SERPINA9: variants seen among roughly 807,000 people sequenced by gnomAD.
SERPINA9 encodes the protein serpin A9.
In SERPINA9, 32 loss-of-function variants were observed where a neutral mutation model predicts 24.5. The observed-to-expected ratio is 1.30, with a 90% CI of 0.98 to 1.75. SERPINA9 has a LOEUF of 1.75. Ranked by LOEUF, SERPINA9 falls within the 40% of genes most tolerant of loss-of-function variation. The pLI is 0.00. For missense variants in SERPINA9, 594 were observed against 497.1 expected (o/e 1.19, Z -1.85); for synonymous variants, 233 against 197.7 (o/e 1.18, Z -1.50).
intron 1 of SERPINA9, among the ~76,000 whole-genome samples, chr14:94,475,544 A>T (rs565965939): frequency 6.6e-6 from 1 of 152,136 alleles, no homozygotes; most frequent in African/African-American, 2.4e-5. Flanking sequence ...CTCAAAGGGC[A>T]TCCTCTCTGC....
At chr14:94,470,046 T>G in intron 1 of SERPINA9, 189 bp from the exon 2 acceptor site, 1 of 638,378 alleles carries the variant, frequency 1.6e-6, no homozygotes, top group Non-Finnish European at 2.4e-6. Flanking sequence ...CTGTTTTACT[T>G]GCAAATGAGT....
intron 1 of SERPINA9, among the ~76,000 whole-genome samples, chr14:94,475,729 T>G (rs2139829984): frequency 6.6e-6 from 1 of 152,292 alleles, no homozygotes; most frequent in Admixed American, 6.5e-5. Context: ...ACACTCCCTC[T>G]CAAGCTGATC....
At chr14:94,463,749 C>T (rs1898853096) in intron 4 of SERPINA9, among the ~76,000 whole-genome samples, 1 of 152,114 alleles carries the variant, frequency 6.6e-6, no homozygotes, top group Non-Finnish European at 1.5e-5. Flanking sequence ...AGGTTAGATC[C>T]CTTCTTTGTC....
chr14:94,469,310 G>C lies in SERPINA9; in HGVS notation c.531C>G (p.Ser177Arg), dbSNP rs751760583. The C allele has an allele frequency of 3.0e-5, 49 of 1,614,158 alleles. 2 individuals carry two copies. The South Asian group carries it at 5.2e-4, about 17-fold the overall frequency. The stretch of plus-strand genomic sequence containing the variant: ...TCCCTTGGGTCTTCTTTTTCACATG[G>C]CTGTTGATCCTCGCCTGGGCAATGG... ...NPSIAQARIN[S>R]HVKKKTQGKV... The change falls in exon 2 of 5, where the codon AGC becomes AGG. Residue 177 changes from serine (S) to arginine (R), a missense_variant. Ser to Arg is a moderately radical substitution (Grantham distance 110). Coordinates refer to ENST00000674397, the MANE Select transcript of SERPINA9 (RefSeq NM_175739.4).
At chr14:94,473,649 C>T (rs139831369) in intron 1 of SERPINA9, among the ~76,000 whole-genome samples, 41 of 152,098 alleles carry the variant, frequency 2.7e-4, no homozygotes, top group South Asian at 1.5e-3. Context: ...GACTGGGGCT[C>T]TTCAGGACGC....
intron 3 of SERPINA9, among the ~76,000 whole-genome samples, chr14:94,465,802 T>G (rs1448603636): frequency 1.3e-5 from 2 of 152,208 alleles, no homozygotes; most frequent in African/African-American, 4.8e-5. Context: ...GTGCTAGGAT[T>G]ACAGGCGTGA....
intron 1 of SERPINA9, 89 bp from the exon 2 acceptor site, chr14:94,469,946 G>A (rs1899231938): frequency 9.1e-7 from 1 of 1,098,024 alleles, no homozygotes; most frequent in East Asian, 2.4e-5. Context: ...GCCATCAGCA[G>A]CAGAATGAGG....
chr14:94,475,608 A>C (rs1899572746), intron 1 of SERPINA9, among the ~76,000 whole-genome samples: 1 of 152,078 alleles, frequency 6.6e-6, no homozygotes, highest in Admixed American at 6.5e-5. Flanking sequence ...CCACTCCACC[A>C]ATAAAGCAGA....
chr14:94,467,996 G>C (rs1899100084), intron 2 of SERPINA9, among the ~76,000 whole-genome samples: 1 of 151,258 alleles, frequency 6.6e-6, no homozygotes, highest in South Asian at 2.1e-4. Context: ...TTGCTGGATG[G>C]GTAGATGAAG....
intron 4 of SERPINA9, among the ~76,000 whole-genome samples, chr14:94,463,857 C>T (rs1056684523): frequency 1.3e-5 from 2 of 152,182 alleles, no homozygotes; most frequent in African/African-American, 4.8e-5. Flanking sequence ...CATAGGCTCA[C>T]AGATACACTT....
intron 1 of SERPINA9, among the ~76,000 whole-genome samples, chr14:94,475,468 C>A (rs894379578): frequency 6.6e-6 from 1 of 151,790 alleles, no homozygotes; most frequent in Non-Finnish European, 1.5e-5. Context: ...ACACACTGAG[C>A]AGACAACCTT....
At chr14:94,465,474 AT>A (rs200491059) in intron 3 of SERPINA9, among the ~76,000 whole-genome samples, 76 of 152,170 alleles carry the variant, frequency 5.0e-4, no homozygotes, top group South Asian at 1.9e-3. Flanking sequence ...TTAGCACAAT[AT>A]TTTTTTTCCT....
chr14:94,469,957 A>G (rs1899232683), intron 1 of SERPINA9, 100 bp from the exon 2 acceptor site: 2 of 975,880 alleles, frequency 2.0e-6, no homozygotes, highest in Admixed American at 5.2e-5. Context: ...CAGAATGAGG[A>G]CAGATAGGCC....
At position 94,463,050 on chromosome 14, in the gene SERPINA9, T is replaced by G. The variant is rs113473148; in HGVS notation, c.*43A>C. 5 of 1,479,108 alleles carry G rather than the reference T, an allele frequency of 3.4e-6. No homozygotes were observed. Among genetic ancestry groups the G allele is most frequent in the African/African-American group, 1.4e-5 (1 of 72,526 alleles). The allele number at this position is 1,479,108 out of a possible 1,614,324, so 91.6% of individuals were successfully genotyped here. On this transcript the variant is annotated 3_prime_UTR_variant, in exon 5 of 5. Transcript: ENST00000674397. ...AAGAGGGATGTGGTTTGTTATTTCT[T>G]GTGCATTAGCAATGTGCCATCAGTT...
At chr14:94,473,042 C>T (rs1899399743) in intron 1 of SERPINA9, among the ~76,000 whole-genome samples, 1 of 152,190 alleles carries the variant, frequency 6.6e-6, no homozygotes, top group Admixed American at 6.5e-5. Context: ...GGGATGGCTG[C>T]AGAGAACCTC....
intron 3 of SERPINA9, among the ~76,000 whole-genome samples, chr14:94,466,815 T>C (rs777511406): frequency 5.3e-5 from 8 of 152,196 alleles, no homozygotes; most frequent in Non-Finnish European, 1.2e-4. Flanking sequence ...TCAGATAGGC[T>C]TCTAGAGCCA....
chr14:94,475,670 T>C (rs1261960111), intron 1 of SERPINA9, among the ~76,000 whole-genome samples: 1 of 152,094 alleles, frequency 6.6e-6, no homozygotes. Context: ...TTAGAAAGTA[T>C]CTCTTCTCTC....
chr14:94,470,170 G>A, intron 1 of SERPINA9: 2 of 1,092,564 alleles, frequency 1.8e-6, no homozygotes, highest in South Asian at 4.4e-5. Flanking sequence ...GCTTTTTGAT[G>A]TTTCTGCTTC....
intron 1 of SERPINA9, among the ~76,000 whole-genome samples, chr14:94,474,876 T>C (rs1899506059): frequency 6.6e-6 from 1 of 152,118 alleles, no homozygotes; most frequent in Admixed American, 6.5e-5. Flanking sequence ...CCTTTCCAGA[T>C]GCTGATCTGG....
Sources: gnomAD v4.1 joint callset for allele counts (sites outside exome capture counted in the v4.1 genomes callset) on GRCh38, gnomAD v4.1.1 for gene constraint, MANE v1.5 for transcripts, NCBI Gene and HGNC (gene_info 2026-07-23, HGNC 2026-07-21) for gene names.